The following CDC42BPA variants were observed in gnomAD, a reference collection of about 807,000 sequenced individuals.
CDC42BPA encodes the protein serine/threonine-protein kinase MRCK alpha.
Under a neutral mutation model 223.5 loss-of-function variants are expected in CDC42BPA, and 80 were observed. The observed-to-expected ratio is 0.36, with a 90% CI of 0.30 to 0.43. The LOEUF (loss-of-function observed/expected upper bound fraction) is 0.43. CDC42BPA is among the 20% of genes least tolerant of loss of function. The pLI is 1.00. For missense variants in CDC42BPA, 1,743 were observed against 2,099.9 expected (o/e 0.83, Z 3.32); for synonymous variants, 694 against 718.6 (o/e 0.97, Z 0.55).
chr1:227,017,229 T>C (rs1666458784), intron 32 of CDC42BPA, among the ~76,000 whole-genome samples, 179 bp from the exon 33 acceptor site: 2 of 152,224 alleles, frequency 1.3e-5, no homozygotes, highest in African/African-American at 4.8e-5. Context: ...AAACAGATAA[T>C]ATGCTGAAAG....
At chr1:227,236,231 G>C (rs1014380699) in intron 2 of CDC42BPA, among the ~76,000 whole-genome samples, 16 of 152,172 alleles carry the variant, frequency 1.1e-4, no homozygotes, top group African/African-American at 3.9e-4. Flanking sequence ...CTGAATGACA[G>C]ACTGACCTCT....
intron 1 of CDC42BPA, among the ~76,000 whole-genome samples, chr1:227,301,887 A>G (rs1219509284): frequency 6.6e-6 from 1 of 152,006 alleles, no homozygotes; most frequent in Non-Finnish European, 1.5e-5. Context: ...CATTACTATA[A>G]CCATATAAGT....
At chr1:227,128,766 A>G (rs953807586) in intron 11 of CDC42BPA, among the ~76,000 whole-genome samples, 28 of 152,094 alleles carry the variant, frequency 1.8e-4, no homozygotes, top group Non-Finnish European at 4.1e-4. Context: ...CTCTCCTCAC[A>G]AATATGCTTT....
chr1:227,034,996 T>C (rs1669966650), intron 25 of CDC42BPA, among the ~76,000 whole-genome samples: 1 of 152,258 alleles, frequency 6.6e-6, no homozygotes, highest in African/African-American at 2.4e-5. Context: ...AAATACAGAA[T>C]GACTTTTTAT....
At chr1:227,172,130 A>G (rs1327517410) in intron 5 of CDC42BPA, among the ~76,000 whole-genome samples, 6 of 152,210 alleles carry the variant, frequency 3.9e-5, no homozygotes, top group Non-Finnish European at 7.4e-5. Context: ...GAAATATTAC[A>G]TCAGTAATAA....
intron 6 of CDC42BPA, among the ~76,000 whole-genome samples, chr1:227,154,887 T>C (rs1042897619): frequency 2.0e-5 from 3 of 152,132 alleles, no homozygotes; most frequent in Non-Finnish European, 4.4e-5. Context: ...TAAACCAATA[T>C]GCTAATTCTA....
chr1:227,291,723 T>C (rs1410682399), intron 1 of CDC42BPA, among the ~76,000 whole-genome samples: 1 of 125,384 alleles, frequency 8.0e-6, no homozygotes, highest in African/African-American at 2.6e-5. Flanking sequence ...TTCAAACCAG[T>C]TTGCATCAGG....
rs1671373178 is a variant in CDC42BPA, at chr1:227,199,641, A to G, written c.366T>C (p.Phe122=). The part of the protein sequence containing the change: ...EMLKRAETAC[F]REERDVLVNG... ...TCACTAATACATCCCTTTCTTCACG[A>G]AAACATGCTGTCTGAAACACAAAAA... Residue 122 remains phenylalanine, a synonymous_variant, in exon 4 of 37, where the codon TTT becomes TTC. Coordinates refer to ENST00000366766, the MANE Select transcript of CDC42BPA (RefSeq NM_001394014.1). The G allele has an allele frequency of 3.1e-6, 5 of 1,601,920 alleles. No individual in the cohort carries two copies. In the East Asian group the frequency reaches 1.1e-4, roughly 36 times the overall value.
intron 14 of CDC42BPA, 80 bp downstream of exon 14, chr1:227,112,232 C>T (rs1204380055): frequency 1.5e-5 from 10 of 686,152 alleles, no homozygotes; most frequent in Admixed American, 5.6e-5. Flanking sequence ...ACACCGAATA[C>T]AGTATACAAG....
At chr1:226,997,836 GC>G (rs1661953506) in intron 35 of CDC42BPA, among the ~76,000 whole-genome samples, 1 of 152,098 alleles carries the variant, frequency 6.6e-6, no homozygotes, top group Non-Finnish European at 1.5e-5. Context: ...CCATTCCTTT[GC>G]ATTTGGTGAG....
chr1:227,058,697 G>T (rs1038131819), intron 21 of CDC42BPA, among the ~76,000 whole-genome samples: 1 of 152,046 alleles, frequency 6.6e-6, no homozygotes, highest in Non-Finnish European at 1.5e-5. Context: ...TTCAAGTTGA[G>T]AAACACAGAG....
intron 28 of CDC42BPA, 61 bp downstream of exon 28, chr1:227,031,237 C>G: frequency 7.5e-7 from 1 of 1,337,008 alleles, no homozygotes. Context: ...AAGCCAATCC[C>G]TGTTCTCAAG....
chr1:227,143,002 T>C lies in CDC42BPA; in HGVS notation c.1166A>G (p.His389Arg). 2.0e-6 allele frequency: 3 copies of C among 1,535,454 alleles called. No homozygotes were observed. The highest frequency in any genetic ancestry group is 2.6e-6 in the Non-Finnish European group (3 of 1,150,526). ...KNSETMPPPT[H>R]TAFSGHHLPF... The stretch of plus-strand genomic sequence containing the variant: ...CAGATGGTGGCCAGAAAATGCAGTA[T>C]GTGTTGGTGGGGGCATCGTTTCCTA... The change falls in exon 9 of 37, where the codon CAT becomes CGT. Residue 389 changes from histidine to arginine, a missense_variant. Transcript: ENST00000366766.
chr1:227,116,155 G>C (rs1382937419), intron 12 of CDC42BPA, among the ~76,000 whole-genome samples: 2 of 152,174 alleles, frequency 1.3e-5, no homozygotes, highest in Non-Finnish European at 2.9e-5. Context: ...ATTCACAACA[G>C]TGCTATTAGA....
intron 24 of CDC42BPA, among the ~76,000 whole-genome samples, chr1:227,037,741 T>C (rs1670547941): frequency 6.6e-6 from 1 of 152,196 alleles, no homozygotes. Context: ...ATAAGATACA[T>C]CAATATGAGA....
intron 16 of CDC42BPA, among the ~76,000 whole-genome samples, chr1:227,083,439 T>C (rs1681135997): frequency 6.6e-6 from 1 of 152,218 alleles, no homozygotes; most frequent in Admixed American, 6.5e-5. Context: ...TTCATATGTC[T>C]ACTTTCTTGA....
At chr1:227,171,664 C>G (rs1666125853) in intron 5 of CDC42BPA, among the ~76,000 whole-genome samples, 1 of 151,720 alleles carries the variant, frequency 6.6e-6, no homozygotes, top group East Asian at 1.9e-4. Flanking sequence ...GGGCAACATT[C>G]TATGGGTGAT....
At chr1:227,224,235 CTT>C (rs113833866) in intron 2 of CDC42BPA, among the ~76,000 whole-genome samples, 44,410 of 141,586 alleles carry the variant, frequency 0.31, 6,739 homozygotes, top group East Asian at 0.37. Context: ...ATGTTTCTTC[CTT>C]TTTTTTTTTT....
chr1:227,305,753 G>A (rs780937538), intron 1 of CDC42BPA, among the ~76,000 whole-genome samples: 2 of 152,114 alleles, frequency 1.3e-5, no homozygotes, highest in African/African-American at 4.8e-5. Flanking sequence ...ATAACCCGAG[G>A]TCAGGAGTTT....
Sources: gnomAD v4.1 joint callset for allele counts (sites outside exome capture counted in the v4.1 genomes callset) on GRCh38, gnomAD v4.1.1 for gene constraint, MANE v1.5 for transcripts, NCBI Gene and HGNC (gene_info 2026-07-23, HGNC 2026-07-21) for gene names.